The following SLC6A12 variants were observed in gnomAD, a reference collection of about 807,000 sequenced individuals.
The protein encoded by SLC6A12 is solute carrier family 6 member 12.
SLC6A12 carries 50 observed loss-of-function variants against 73.3 expected under a neutral mutation model. The observed-to-expected ratio is 0.68, with a 90% CI of 0.54 to 0.86. SLC6A12 has a LOEUF of 0.86. SLC6A12 is among the 40% of genes least tolerant of loss of function. The pLI, the probability that SLC6A12 is intolerant of heterozygous loss-of-function variation, is 0.00. For missense variants in SLC6A12, 648 were observed against 772.8 expected, an observed-to-expected ratio of 0.84 and a Z score of 1.92; for synonymous variants, 304 against 309.2, an observed-to-expected ratio of 0.98 and a Z score of 0.18.
At chr12:187,348 T>G (rs1282190461), downstream of SLC6A12, among the ~76,000 whole-genome samples, 1 of 151,994 alleles carries the variant, frequency 6.6e-6, no homozygotes, top group Non-Finnish European at 1.5e-5. Flanking sequence ...TCAGATGTGT[T>G]CGGAGTTTTT....
intron 3 of SLC6A12, 158 bp downstream of exon 3, chr12:209,615 A>C (rs531246570): frequency 2.8e-6 from 2 of 705,726 alleles, no homozygotes; most frequent in Admixed American, 2.3e-5. Context: ...AGGGACGCTG[A>C]GGCTAGTAGT....
At position 213,698 on chromosome 12, in the gene SLC6A12, G is replaced by A. The variant is rs1440204405; in HGVS notation, c.-143+224C>T. 1.3e-5 allele frequency: 2 copies of A among 152,686 alleles called. No individual in the cohort carries two copies. The highest frequency in any genetic ancestry group is 2.4e-5 in the African/African-American group (1 of 41,456). 9.5% of individuals were successfully genotyped at this position (152,686 alleles called of 1,614,324 possible). Reference sequence around the variant, plus strand: ...TTTCCTGCTCCACAGGCTAATCACTGAGCTGCTCCCACGCTGGATGGGGCG... The same window carrying A: ...TTTCCTGCTCCACAGGCTAATCACTAAGCTGCTCCCACGCTGGATGGGGCG... On this transcript the variant is annotated intron_variant, in intron 1 of 15. Transcript: ENST00000684302. The surrounding 1 kb of genome is among the most constrained non-coding windows in gnomAD (Gnocchi z 5.3).
Position 192,494 on chromosome 12 carries a change from C to T in SLC6A12, c.1685G>A (p.Arg562Gln), listed in dbSNP as rs577163007. Reference protein sequence around the residue: ...LFVVITLLKTRGPFRKRLRQL... With the variant: ...LFVVITLLKTQGPFRKRLRQL... The stretch of plus-strand genomic sequence containing the variant: ...ACCACCTACCTTCCTGAAAGGACCC[C>T]GAGTCTTCAGGAGGGTGATGACGAC... Residue 562 changes from arginine to glutamine, a missense_variant, in exon 15 of 16, where the codon CGG becomes CAG. Arg to Gln is a conservative substitution (Grantham distance 43, BLOSUM62 1). Coordinates refer to ENST00000684302, the MANE Select transcript of SLC6A12 (RefSeq NM_001122848.3). 89 of 1,613,930 alleles carry T rather than the reference C, an allele frequency of 5.5e-5. No homozygotes were observed. The highest frequency in any genetic ancestry group is 5.3e-5 in the African/African-American group (4 of 74,986).
At chr12:196,707 A>C in intron 11 of SLC6A12, 63 bp downstream of exon 11, 2 of 1,176,958 alleles carry the variant, frequency 1.7e-6, no homozygotes, top group Non-Finnish European at 2.5e-6. Flanking sequence ...AAGTAGTCCC[A>C]GGACAAGCAA....
downstream of SLC6A12, among the ~76,000 whole-genome samples, chr12:187,589 C>G (rs1315860178): frequency 5.7e-5 from 6 of 106,054 alleles, no homozygotes; most frequent in African/African-American, 2.1e-4. Flanking sequence ...TGCAAAAGAG[C>G]AAAAAAAAAA....
At chr12:209,745 C>T (rs1940825275) in intron 3 of SLC6A12, 28 bp downstream of exon 3, 1 of 1,613,678 alleles carries the variant, frequency 6.2e-7, no homozygotes, top group Non-Finnish European at 8.5e-7. Flanking sequence ...CAGCTCTCCC[C>T]ACCATGCCTA....
intron 3 of SLC6A12, 40 bp from the exon 4 acceptor site, chr12:204,738 C>G (rs1207088792): frequency 1.2e-6 from 2 of 1,609,894 alleles, no homozygotes; most frequent in South Asian, 1.1e-5. Context: ...CACACCCGGG[C>G]TCTTCCTCAG....
Position 190,521 on chromosome 12 carries a change from C to T in SLC6A12, c.*547G>A, listed in dbSNP as rs1348340065. The T allele has an allele frequency of 3.9e-5, 6 of 152,200 alleles. No homozygotes were observed. The highest frequency in any genetic ancestry group is 2.1e-4 in the South Asian group (1 of 4,822). 9.4% of individuals were successfully genotyped at this position (152,200 alleles called of 1,614,324 possible). ...GGAGCTGGAGATGCCATGAGAGACT[C>T]GGAGGAAACTCCAGACTGACGGCAT... is the stretch of plus-strand genomic sequence containing the variant. On this transcript the variant is annotated 3_prime_UTR_variant, in exon 16 of 16. Transcript: ENST00000684302.
chr12:187,126 A>AT (rs35095755), downstream of SLC6A12, among the ~76,000 whole-genome samples: 12 of 152,088 alleles, frequency 7.9e-5, no homozygotes, highest in Non-Finnish European at 1.3e-4. Flanking sequence ...GCAAAAATCA[A>AT]TTTTTTCATG....
At chr12:202,715 T>A in intron 5 of SLC6A12, 25 bp downstream of exon 5, 1 of 1,607,448 alleles carries the variant, frequency 6.2e-7, no homozygotes, top group Non-Finnish European at 8.5e-7. Flanking sequence ...ACAGGCAACA[T>A]CCCAGGGGCT....
Position 198,517 on chromosome 12 carries a change from T to C in SLC6A12, c.846+280A>G, listed in dbSNP as rs1276301416. Among the ~76,000 whole-genome samples the C allele has an allele frequency of 1.3e-5, 2 of 152,120 alleles. No homozygotes were observed. Among genetic ancestry groups the C allele is most frequent in the East Asian group, 1.9e-4 (1 of 5,174 alleles). The stretch of plus-strand genomic sequence containing the variant: ...AGGTTGAGGCTGCAGTGAGCTATGA[T>C]GGCACCACTGCACTCCAGCCTGGGG... On this transcript the variant is annotated intron_variant, in intron 8 of 15. Coordinates refer to ENST00000684302, the MANE Select transcript of SLC6A12 (RefSeq NM_001122848.3). The surrounding 1 kb of genome is among the most constrained non-coding windows in gnomAD (Gnocchi z 4.0).
In SLC6A12 at chr12:209,929, C is replaced by T. The variant is rs144983323; in HGVS notation, c.58G>A (p.Glu20Lys). The T allele has an allele frequency of 5.3e-4, 850 of 1,614,130 alleles. 3 individuals carry two copies. The African/African-American group carries it at 9.5e-3, about 18-fold the overall frequency. ...CGPPAVSWVP[E>K]EGEKLDQEDE... is the part of the protein sequence containing the mutation. ...TCCTGGTCCAACTTCTCTCCCTCCT[C>T]GGGGACCCAGGAGACTGCAGGAGGC... The change falls in exon 3 of 16, where the codon GAG becomes AAG. Residue 20 changes from glutamate (E) to lysine (K), a missense_variant. Glu to Lys is a moderately conservative substitution (Grantham distance 56). Coordinates refer to ENST00000684302, the MANE Select transcript of SLC6A12 (RefSeq NM_001122848.3).
Position 207,160 on chromosome 12 carries a change from C to G in SLC6A12, c.215-2462G>C, listed in dbSNP as rs114824405. ...ACACCCTCCCCTCAAATTCCCTCAT[C>G]AGTGCCTTGCTTTGGAAGGTTACCC... On this transcript the variant is annotated intron_variant, in intron 3 of 15. Coordinates refer to ENST00000684302, the MANE Select transcript of SLC6A12 (RefSeq NM_001122848.3). Among the ~76,000 whole-genome samples the G allele has an allele frequency of 5.8e-3, 890 of 152,380 alleles. 14 individuals are homozygous for G. The highest frequency in any genetic ancestry group is 0.02 in the African/African-American group (820 of 41,588).
At chr12:191,864 A>G (rs928028601) in intron 15 of SLC6A12, among the ~76,000 whole-genome samples, 1 of 152,246 alleles carries the variant, frequency 6.6e-6, no homozygotes, top group Non-Finnish European at 1.5e-5. Flanking sequence ...ACCAAATACC[A>G]GCAGCCCTAA....
downstream of SLC6A12, among the ~76,000 whole-genome samples, chr12:187,228 G>A (rs1939446877): frequency 6.6e-6 from 1 of 152,152 alleles, no homozygotes; most frequent in Non-Finnish European, 1.5e-5. Context: ...AGTGTGCCCA[G>A]AGTAAGTGGG....
downstream of SLC6A12, among the ~76,000 whole-genome samples, chr12:187,418 GAGTGCTACAACTCTGA>G (rs1352852357): frequency 1.3e-5 from 2 of 151,742 alleles, no homozygotes; most frequent in Admixed American, 6.6e-5. Flanking sequence ...CCTTCGCGAT[GAGTGCTACAACTCTGA>G]AGGCGGCGCG....
chr12:198,799 G>C lies in SLC6A12; in HGVS notation c.844C>G (p.Gln282Glu). ...KPDLFRLKDP[Q>E]VWMDAGTQIF... Reference sequence around the variant, plus strand: ...AGTGGTCCCAGCACGGTACATACCTGAGGGTCCTTGAGGCGGAACAAATCT... The same window carrying C: ...AGTGGTCCCAGCACGGTACATACCTCAGGGTCCTTGAGGCGGAACAAATCT... Residue 282 changes from glutamine (Q) to glutamate (E), a missense_variant and splice_region_variant, in exon 8 of 16, where the codon CAG becomes GAG. Coordinates refer to ENST00000684302, the MANE Select transcript of SLC6A12 (RefSeq NM_001122848.3). This position sits in a 1 kb window ranked among gnomAD's most constrained non-coding sequence, Gnocchi z 4.0. 1 of 1,614,206 alleles carries C rather than the reference G, an allele frequency of 6.2e-7. No homozygotes were observed. The highest frequency in any genetic ancestry group is 8.5e-7 in the Non-Finnish European group (1 of 1,180,026).
chr12:199,538 C>T (rs1218754483), intron 7 of SLC6A12, among the ~76,000 whole-genome samples: 6 of 152,192 alleles, frequency 3.9e-5, no homozygotes. Flanking sequence ...ACTAAGCAAA[C>T]TCAGCTCCTT....
chr12:184,350 C>G, the SLC6A12 span, among the ~76,000 whole-genome samples: 1 of 152,228 alleles, frequency 6.6e-6, no homozygotes, highest in South Asian at 2.1e-4. Context: ...GCTGGCCAGG[C>G]ATGGTGGCTC....
Sources: gnomAD v4.1 joint callset for allele counts (sites outside exome capture counted in the v4.1 genomes callset) on GRCh38, gnomAD v4.1.1 for gene constraint, Gnocchi (gnomAD v3.1) non-coding constraint, MANE v1.5 for transcripts, NCBI Gene and HGNC (gene_info 2026-07-23, HGNC 2026-07-21) for gene names.